The following ALOX12 variants were observed in gnomAD, a reference collection of about 807,000 sequenced individuals.
ALOX12 encodes polyunsaturated fatty acid lipoxygenase ALOX12.
A neutral mutation model predicts 85.5 loss-of-function variants in ALOX12; 62 were observed. The observed-to-expected ratio is 0.73, with a 90% CI of 0.59 to 0.90. The LOEUF (loss-of-function observed/expected upper bound fraction) is 0.90. Among genes scored for constraint, ALOX12 ranks in the 40% least tolerant of loss-of-function variants. The pLI is 0.00. For synonymous variants in ALOX12, 299 were observed against 332.7 expected (o/e 0.90, Z 1.10); for missense variants, 751 against 856.5 (o/e 0.88, Z 1.54).
chr17:7,009,533 C>T (rs1909278190), intron 11 of ALOX12: 2 of 536,220 alleles, frequency 3.7e-6, no homozygotes, highest in Non-Finnish European at 6.7e-6. Flanking sequence ...CCATATTTTA[C>T]AGGTGAAAAA....
chr17:6,998,015 G>A (rs1018879663), intron 2 of ALOX12, among the ~76,000 whole-genome samples: 12 of 151,712 alleles, frequency 7.9e-5, no homozygotes, highest in Non-Finnish European at 1.6e-4. Flanking sequence ...TACAGATTAT[G>A]ATAGTAAATC....
chr17:6,997,015 C>T lies in ALOX12; in HGVS notation c.325C>T (p.Pro109Ser). ...WVQGEDILSL[P>S]EGTARLPGDN... Reference sequence around the variant, plus strand: ...GCAGGGCGAGGACATCCTGAGCCTGCCCGAGGGCACCGGTGAGCAGGCGGC... The same window carrying T: ...GCAGGGCGAGGACATCCTGAGCCTGTCCGAGGGCACCGGTGAGCAGGCGGC... The change falls in exon 2 of 14, where the codon CCC becomes TCC. Residue 109 changes from proline to serine, a missense_variant. Transcript: ENST00000251535. 1 of 1,541,830 alleles carries T rather than the reference C, an allele frequency of 6.5e-7. No individual in the cohort carries two copies. Among genetic ancestry groups the T allele is most frequent in the Non-Finnish European group, 8.8e-7 (1 of 1,141,398 alleles).
rs11571334 is a variant in ALOX12, at chr17:7,000,173, T to C, written c.808-163T>C. ...CCCTCACCAGACTGTTTCTTCACTTTAAGATGAGAGGAACTGGACCAGGGG... is the reference window on the plus strand; with the variant it reads ...CCCTCACCAGACTGTTTCTTCACTTCAAGATGAGAGGAACTGGACCAGGGG... On this transcript the variant is annotated intron_variant, in intron 6 of 13. Transcript: ENST00000251535. This position sits in a 1 kb window ranked among gnomAD's most constrained non-coding sequence, Gnocchi z 4.6. Among the ~76,000 whole-genome samples the C allele has an allele frequency of 3.9e-5, 6 of 152,134 alleles. No individual in the cohort carries two copies. Among genetic ancestry groups the C allele is most frequent in the African/African-American group, 1.4e-4 (6 of 41,420 alleles).
chr17:6,997,282 A>T (rs1273976185), intron 2 of ALOX12, among the ~76,000 whole-genome samples: 2 of 152,154 alleles, frequency 1.3e-5, no homozygotes, highest in Non-Finnish European at 2.9e-5. Flanking sequence ...TCTTCCAAGA[A>T]GGCAAAGACA....
At chr17:7,007,837 C>CT in intron 11 of ALOX12, among the ~76,000 whole-genome samples, 1 of 152,064 alleles carries the variant, frequency 6.6e-6, no homozygotes, top group Non-Finnish European at 1.5e-5. Flanking sequence ...GCTGAGATCA[C>CT]GCCATTGCAC....
At chr17:6,997,271 A>G (rs1219432067) in intron 2 of ALOX12, 9 of 472,260 alleles carry the variant, frequency 1.9e-5, no homozygotes, top group Non-Finnish European at 2.5e-5. Flanking sequence ...TGGAGATCCC[A>G]TCTTCCAAGA....
At chr17:7,003,123 A>C (rs188738) in intron 8 of ALOX12, among the ~76,000 whole-genome samples, 1 of 152,196 alleles carries the variant, frequency 6.6e-6, no homozygotes, top group East Asian at 1.9e-4. Flanking sequence ...CGAACAAGTG[A>C]AGCCTCTATT....
chr17:7,010,374 C>T lies in ALOX12; in HGVS notation c.1943C>T (p.Pro648Leu). Residue 648 changes from proline to leucine, a missense_variant, in exon 14 of 14, where the codon CCC becomes CTC. Pro to Leu is a moderately conservative substitution (Grantham distance 98, BLOSUM62 -3). Coordinates refer to ENST00000251535, the MANE Select transcript of ALOX12 (RefSeq NM_000697.3). ...ITARNEQLDW[P>L]YEYLKPSCIE... ...GCCCGGAATGAGCAACTTGACTGGC[C>T]CTATGAATATCTGAAGCCCAGCTGC... 1.2e-6 allele frequency: 2 copies of T among 1,614,162 alleles called. No homozygotes were observed. The highest frequency in any genetic ancestry group is 1.7e-6 in the Non-Finnish European group (2 of 1,180,024).
At chr17:7,002,577 C>T (rs759965703) in intron 8 of ALOX12, 33 of 465,706 alleles carry the variant, frequency 7.1e-5, no homozygotes, top group Non-Finnish European at 1.4e-4. Flanking sequence ...TGCTTAAGAC[C>T]AGGAGTTCAA....
At chr17:7,003,965 T>C (rs1219772066) in intron 8 of ALOX12, among the ~76,000 whole-genome samples, 1 of 152,044 alleles carries the variant, frequency 6.6e-6, no homozygotes, top group Non-Finnish European at 1.5e-5. Context: ...GTTAACTATG[T>C]GGAAAGGAAG....
chr17:6,999,112 T>C, intron 5 of ALOX12, 56 bp downstream of exon 5: 2 of 1,557,576 alleles, frequency 1.3e-6, no homozygotes, highest in South Asian at 2.2e-5. Flanking sequence ...GGATGACTCA[T>C]CACACTCCAC....
At position 6,999,028 on chromosome 17, in the gene ALOX12, C is replaced by T. The variant is rs1173051849; in HGVS notation, c.618C>T (p.Ile206=). The T allele has an allele frequency of 6.2e-7, 1 of 1,614,016 alleles. No individual in the cohort carries two copies. The highest frequency in any genetic ancestry group is 8.5e-7 in the Non-Finnish European group (1 of 1,180,028). ...SWNCLEDFDQ[I]FWGQKSALAE... ...ACTGCCTAGAAGACTTTGATCAGAT[C>T]TTCTGGGGCCAGAAGAGTGCCCTGG... Residue 206 remains isoleucine (I), a synonymous_variant, in exon 5 of 14, where the codon ATC becomes ATT. Coordinates refer to ENST00000251535, the MANE Select transcript of ALOX12 (RefSeq NM_000697.3).
At chr17:7,002,495 G>A in intron 8 of ALOX12, 1 of 469,092 alleles carries the variant, frequency 2.1e-6, no homozygotes, top group Non-Finnish European at 4.4e-6. Context: ...TAGAAATACT[G>A]TGGTTTTAAG....
Position 7,005,843 on chromosome 17 carries a change from G to A in ALOX12, c.1249-15G>A. On this transcript the variant is annotated splice_polypyrimidine_tract_variant and intron_variant, in intron 9 of 13. Coordinates refer to ENST00000251535, the MANE Select transcript of ALOX12 (RefSeq NM_000697.3). Reference sequence around the variant, plus strand: ...CCCTGTTTCCCCCTCTAAGACCTGTGATCTCCTGTCCCAGGCAGTGAGCAC... The same window carrying A: ...CCCTGTTTCCCCCTCTAAGACCTGTAATCTCCTGTCCCAGGCAGTGAGCAC... 1 of 1,608,572 alleles carries A rather than the reference G, an allele frequency of 6.2e-7. No individual in the cohort carries two copies. The highest frequency in any genetic ancestry group is 8.5e-7 in the Non-Finnish European group (1 of 1,178,560).
At chr17:6,999,573 C>G in intron 6 of ALOX12, 107 bp downstream of exon 6, 1 of 1,162,404 alleles carries the variant, frequency 8.6e-7, no homozygotes, top group Non-Finnish European at 1.2e-6. Context: ...ACTGCATTGC[C>G]CCTTGGTGCA....
In ALOX12 at chr17:7,009,755, G is replaced by T; in HGVS notation, c.1549G>T (p.Val517Phe). The part of the protein sequence containing the change: ...LCQAQDRGFP[V>F]SFQSQSQLCH... Reference sequence around the variant, plus strand: ...ATTCCTTTCCTGCCCAGGTTTCCCTGTCTCCTTCCAGTCCCAGAGTCAACT... The same window carrying T: ...ATTCCTTTCCTGCCCAGGTTTCCCTTTCTCCTTCCAGTCCCAGAGTCAACT... The change falls in exon 12 of 14, where the codon GTC becomes TTC. Residue 517 changes from valine to phenylalanine, a missense_variant. Coordinates refer to ENST00000251535, the MANE Select transcript of ALOX12 (RefSeq NM_000697.3). 1 of 1,614,080 alleles carries T rather than the reference G, an allele frequency of 6.2e-7. No individual in the cohort carries two copies. Among genetic ancestry groups the T allele is most frequent in the South Asian group, 1.1e-5 (1 of 91,088 alleles).
chr17:7,009,162 C>A (rs1165889853), intron 11 of ALOX12, among the ~76,000 whole-genome samples: 1 of 151,726 alleles, frequency 6.6e-6, no homozygotes, highest in Admixed American at 6.6e-5. Flanking sequence ...CGGGTTCACG[C>A]CATTCTCCTG....
At chr17:7,009,554 C>G (rs1909279687) in intron 11 of ALOX12, 193 bp from the exon 12 acceptor site, 2 of 563,992 alleles carry the variant, frequency 3.5e-6, no homozygotes, top group South Asian at 4.8e-5. Flanking sequence ...AACTGAGGTT[C>G]AAATAGGTTA....
At position 6,998,853 on chromosome 17, in the gene ALOX12, G is replaced by A. The variant is rs540528170; in HGVS notation, c.542+16G>A. 1 of 1,614,182 alleles carries A rather than the reference G, an allele frequency of 6.2e-7. No individual in the cohort carries two copies. The highest frequency in any genetic ancestry group is 2.2e-5 in the East Asian group (1 of 44,886). On this transcript the variant is annotated intron_variant, in intron 4 of 13. Transcript: ENST00000251535. ...TGAAGGCAGGGTGAGAAAAAGGCTA[G>A]ACCTCGGAGTGAAATAAGGGCTGGG...
Sources: gnomAD v4.1 joint callset for allele counts (sites outside exome capture counted in the v4.1 genomes callset) on GRCh38, gnomAD v4.1.1 for gene constraint, Gnocchi (gnomAD v3.1) non-coding constraint, MANE v1.5 for transcripts, NCBI Gene and HGNC (gene_info 2026-07-23, HGNC 2026-07-21) for gene names.